The following APBB2 variants were observed in gnomAD, a reference collection of about 807,000 sequenced individuals.
APBB2 encodes amyloid beta precursor protein binding family B member 2.
Under a neutral mutation model 82.5 loss-of-function variants are expected in APBB2, and 38 were observed. That is an observed-to-expected ratio of 0.46 (90% confidence interval 0.36 to 0.60). APBB2 has a LOEUF of 0.60. APBB2 is among the 20% of genes least tolerant of loss of function. The probability of loss-of-function intolerance (pLI) is 0.00; values close to 1 mark genes in which losing one functional copy is unlikely to be tolerated. For missense variants in APBB2, 772 were observed against 972.3 expected (o/e 0.79, Z 2.74); for synonymous variants, 341 against 368.2 (o/e 0.93, Z 0.85).
rs1302613201 is a variant in APBB2, at chr4:41,157,065, CA to C, written c.-416-13924del. 2.2e-3 allele frequency among the ~76,000 whole-genome samples: 163 copies of C among 72,808 alleles called. 2 individuals carry two copies. Among genetic ancestry groups the C allele is most frequent in the Admixed American group, 4.9e-3 (32 of 6,466 alleles). The allele number at this position is 72,808 out of a possible 152,430, so 47.8% of individuals were successfully genotyped here. On this transcript the variant is annotated intron_variant, in intron 1 of 17. Transcript: ENST00000508593. Reference sequence around the variant, plus strand: ...TAGGTGACAGAGAGAGACTCTGTCTCAAAAAAAAAAAAAAAAAACAAGGATC... The same window carrying C: ...TAGGTGACAGAGAGAGACTCTGTCTCAAAAAAAAAAAAAAAAACAAGGATC...
chr4:40,999,750 A>G (rs1291082634), intron 6 of APBB2, among the ~76,000 whole-genome samples: 2 of 152,174 alleles, frequency 1.3e-5, no homozygotes, highest in East Asian at 1.9e-4. Flanking sequence ...TTGAGAAGCA[A>G]AGGATTTATG....
intron 12 of APBB2, among the ~76,000 whole-genome samples, chr4:40,889,455 C>T (rs1164968607): frequency 6.6e-6 from 1 of 152,184 alleles, no homozygotes; most frequent in African/African-American, 2.4e-5. Flanking sequence ...AGGAGAGCCG[C>T]CTCTCTGTTG....
intron 10 of APBB2, among the ~76,000 whole-genome samples, chr4:40,922,870 G>A (rs1488884758): frequency 6.6e-6 from 1 of 151,806 alleles, no homozygotes; most frequent in Non-Finnish European, 1.5e-5. Context: ...CACCCCGCTC[G>A]GCCTCCCAAA....
intron 5 of APBB2, among the ~76,000 whole-genome samples, chr4:41,027,820 A>G (rs1560561423): frequency 6.6e-6 from 1 of 152,228 alleles, no homozygotes; most frequent in Non-Finnish European, 1.5e-5. Flanking sequence ...TTTAGCATAA[A>G]GGTGGTTCTC....
chr4:41,208,438 T>A (rs1778503983), intron 1 of APBB2, among the ~76,000 whole-genome samples: 1 of 152,176 alleles, frequency 6.6e-6, no homozygotes, highest in African/African-American at 2.4e-5. Context: ...ATTTTTGTAT[T>A]TTTAGCAGAG....
rs1281464567 is a variant in APBB2 at position 40,881,575 on chromosome 4, C to T, written c.1529+8789G>A. 2.3e-5 allele frequency among the ~76,000 whole-genome samples: 3 copies of T among 129,704 alleles called. No homozygotes were observed. The East Asian group carries it at 8.3e-4, about 36-fold the overall frequency. 85.1% of individuals were successfully genotyped at this position (129,704 alleles called of 152,430 possible). ...TTGATACAGACTCTCGCTCTGTCACCGAGGCTGGAATGCAGCAGTGCAATC... is the reference window on the plus strand; with the variant it reads ...TTGATACAGACTCTCGCTCTGTCACTGAGGCTGGAATGCAGCAGTGCAATC... On this transcript the variant is annotated intron_variant, in intron 12 of 17. Coordinates refer to ENST00000508593, the MANE Select transcript of APBB2 (RefSeq NM_004307.2).
At chr4:41,175,984 A>C (rs28367529) in intron 1 of APBB2, among the ~76,000 whole-genome samples, 3,734 of 152,272 alleles carry the variant, frequency 0.025, 82 homozygotes, top group African/African-American at 0.057. Flanking sequence ...ACTTGGCCCC[A>C]TATCAGAAAT....
At chr4:40,914,610 A>G (rs1403994394) in intron 10 of APBB2, among the ~76,000 whole-genome samples, 2 of 152,318 alleles carry the variant, frequency 1.3e-5, no homozygotes, top group South Asian at 2.1e-4. Flanking sequence ...AAATAAATGG[A>G]AACACATAAA....
rs373594573 is a variant in APBB2, at chr4:40,857,086, C to G, written c.1530-26509G>C. 1.5e-5 allele frequency: 15 copies of G among 985,412 alleles called. No individual in the cohort carries two copies. In the East Asian group the frequency reaches 3.4e-4, roughly 22 times the overall value. 61.0% of individuals were successfully genotyped at this position (985,412 alleles called of 1,614,324 possible). A position where few individuals can be genotyped will look rare whatever the true frequency, so the allele number is the denominator to read the frequency against. ...TGCCGCCCCAGGTGCTACGACAAGC[C>G]CCAGGGTGCCGGCACCAGCCAGCGG... On this transcript the variant is annotated intron_variant, in intron 12 of 17. Transcript: ENST00000508593.
At chr4:41,170,321 A>G (rs1451817703) in intron 1 of APBB2, among the ~76,000 whole-genome samples, 1 of 152,190 alleles carries the variant, frequency 6.6e-6, no homozygotes, top group Non-Finnish European at 1.5e-5. Flanking sequence ...CAATTCCCAC[A>G]TTTGCATTCA....
intron 2 of APBB2, among the ~76,000 whole-genome samples, chr4:41,132,423 C>A (rs1756308812): frequency 6.6e-6 from 1 of 152,196 alleles, no homozygotes; most frequent in Non-Finnish European, 1.5e-5. Flanking sequence ...GTCACCCTGG[C>A]TTTATCTGTG....
At chr4:40,976,240 T>C (rs1029146220) in intron 6 of APBB2, among the ~76,000 whole-genome samples, 2 of 152,186 alleles carry the variant, frequency 1.3e-5, no homozygotes, top group Non-Finnish European at 2.9e-5. Flanking sequence ...CAAATTATTA[T>C]TTAGACATGA....
chr4:41,040,772 T>TA (rs1284928658), intron 4 of APBB2, among the ~76,000 whole-genome samples: 1 of 151,928 alleles, frequency 6.6e-6, no homozygotes, highest in Non-Finnish European at 1.5e-5. Context: ...ACATGGCAAC[T>TA]AAAAAAAAGG....
chr4:40,890,572 C>A, intron 11 of APBB2, 81 bp from the exon 12 acceptor site: 2 of 1,553,560 alleles, frequency 1.3e-6, no homozygotes, highest in African/African-American at 1.4e-5. Flanking sequence ...CTAGGAATGC[C>A]GTGTCAACCA....
chr4:41,088,879 C>T (rs1440363213), intron 3 of APBB2, among the ~76,000 whole-genome samples: 1 of 152,146 alleles, frequency 6.6e-6, no homozygotes, highest in Non-Finnish European at 1.5e-5. Context: ...GTGCTGGCAG[C>T]AATGCTTAGC....
At chr4:40,922,866 G>A (rs1016629198) in intron 10 of APBB2, among the ~76,000 whole-genome samples, 9 of 150,862 alleles carry the variant, frequency 6.0e-5, no homozygotes, top group Non-Finnish European at 8.9e-5. Context: ...GATCCACCCC[G>A]CTCGGCCTCC....
chr4:41,038,804 G>A (rs538915675), intron 4 of APBB2, among the ~76,000 whole-genome samples: 1 of 152,142 alleles, frequency 6.6e-6, no homozygotes, highest in East Asian at 1.9e-4. Context: ...TTCCAGAAAA[G>A]GGGGAAAAAA....
intron 2 of APBB2, among the ~76,000 whole-genome samples, chr4:41,118,657 A>C (rs1351910331): frequency 1.3e-5 from 2 of 152,188 alleles, no homozygotes; most frequent in Non-Finnish European, 2.9e-5. Flanking sequence ...GAAGGTTTTT[A>C]TATGTGGTAC....
chr4:40,924,223 G>C (rs1782052192), intron 10 of APBB2, among the ~76,000 whole-genome samples: 1 of 152,172 alleles, frequency 6.6e-6, no homozygotes, highest in Non-Finnish European at 1.5e-5. Context: ...CATTCAGCCA[G>C]GACTTGATAT....
Sources: allele counts gnomAD v4.1 joint callset (sites outside exome capture counted in the v4.1 genomes callset), GRCh38; gene constraint gnomAD v4.1.1; transcripts MANE v1.5; gene names NCBI Gene and HGNC (gene_info 2026-07-23, HGNC 2026-07-21).